Variants in MAGI2 observed in about 807,000 individuals in gnomAD.
MAGI2 encodes the protein membrane-associated guanylate kinase, WW and PDZ domain-containing protein 2.
In MAGI2, 35 loss-of-function variants were observed where a neutral mutation model predicts 133.3. That is an observed-to-expected ratio of 0.26 (90% CI 0.20 to 0.35). The LOEUF is 0.35. Ranked by LOEUF, MAGI2 falls within the 10% of genes least tolerant of loss-of-function variation. The pLI is 1.00. For missense variants in MAGI2, 1,636 were observed against 1,863.4 expected, an observed-to-expected ratio of 0.88 and a Z score of 2.25; for synonymous variants, 729 against 710.6, an observed-to-expected ratio of 1.03 and a Z score of -0.41.
intron 1 of MAGI2, among the ~76,000 whole-genome samples, chr7:79,191,852 T>A (rs1454672571): frequency 6.6e-6 from 1 of 151,846 alleles, no homozygotes; most frequent in Non-Finnish European, 1.5e-5. Context: ...TACCTTTTTT[T>A]AAAGCACTTA....
intron 2 of MAGI2, among the ~76,000 whole-genome samples, chr7:78,983,376 T>C (rs1016308123): frequency 6.6e-6 from 1 of 152,042 alleles, no homozygotes; most frequent in African/African-American, 2.4e-5. Context: ...ATGTCATATT[T>C]TTTTTAAGAG....
At chr7:79,234,266 A>G (rs1387271567) in intron 1 of MAGI2, among the ~76,000 whole-genome samples, 5 of 145,160 alleles carry the variant, frequency 3.4e-5, no homozygotes, top group East Asian at 4.1e-4. Context: ...TCTGACAATT[A>G]TGTGTCTTGG....
At chr7:78,779,541 C>T (rs1328015274) in intron 2 of MAGI2, among the ~76,000 whole-genome samples, 3 of 152,140 alleles carry the variant, frequency 2.0e-5, no homozygotes, top group African/African-American at 4.8e-5. Context: ...GAAGTTGGTA[C>T]CACAGAATAG....
intron 1 of MAGI2, among the ~76,000 whole-genome samples, chr7:79,372,627 G>A (rs1168591884): frequency 2.0e-5 from 3 of 151,972 alleles, no homozygotes; most frequent in Admixed American, 2.0e-4. Flanking sequence ...GGTGATTTTG[G>A]AATATATCAG....
chr7:78,373,905 C>T (rs1233489902), intron 6 of MAGI2, among the ~76,000 whole-genome samples: 1 of 152,132 alleles, frequency 6.6e-6, no homozygotes, highest in East Asian at 1.9e-4. Context: ...CAGCTGCATC[C>T]ATGTTGCTGC....
intron 18 of MAGI2, among the ~76,000 whole-genome samples, chr7:78,132,326 C>T (rs1171797004): frequency 7.2e-5 from 11 of 152,238 alleles, no homozygotes; most frequent in African/African-American, 1.4e-4. Flanking sequence ...CTCCTGTCTG[C>T]GCTCTGCAGG....
intron 12 of MAGI2, among the ~76,000 whole-genome samples, chr7:78,192,226 T>G (rs890114319): frequency 6.6e-6 from 1 of 151,998 alleles, no homozygotes; most frequent in Non-Finnish European, 1.5e-5. Context: ...TGCACTGATT[T>G]TTCCCCCCCC....
chr7:78,493,294 A>G lies in MAGI2; in HGVS notation c.966-3454T>C, dbSNP rs201553149. ...GACAGAAGCAGCAGGTTAATATCCT[A>G]TCTTCTGAGAAAACATTCTTCTCAC... On this transcript the variant is annotated intron_variant, in intron 5 of 21. Transcript: ENST00000354212. Among the ~76,000 whole-genome samples the G allele has an allele frequency of 3.3e-5, 5 of 152,336 alleles. No individual in the cohort carries two copies. The East Asian group carries it at 7.7e-4, about 23-fold the overall frequency.
chr7:78,555,263 T>C (rs990986129), intron 3 of MAGI2, among the ~76,000 whole-genome samples: 1 of 151,900 alleles, frequency 6.6e-6, no homozygotes, highest in African/African-American at 2.4e-5. Flanking sequence ...TAACTACTTC[T>C]TGGGACTTTG....
At chr7:79,235,488 A>G (rs1024891494) in intron 1 of MAGI2, among the ~76,000 whole-genome samples, 5 of 152,106 alleles carry the variant, frequency 3.3e-5, no homozygotes, top group African/African-American at 4.8e-5. Context: ...GCGGGATATA[A>G]TCTCGTGGTG....
chr7:78,842,912 T>C (rs1792269476), intron 2 of MAGI2, among the ~76,000 whole-genome samples: 1 of 151,928 alleles, frequency 6.6e-6, no homozygotes, highest in South Asian at 2.1e-4. Flanking sequence ...TATAGGTTTA[T>C]CTTACACATG....
intron 2 of MAGI2, among the ~76,000 whole-genome samples, chr7:78,855,964 G>A (rs1261114971): frequency 6.6e-6 from 1 of 152,150 alleles, no homozygotes; most frequent in Non-Finnish European, 1.5e-5. Flanking sequence ...GTGTGAGATG[G>A]TATCTCATTG....
chr7:78,181,414 C>CT (rs1287660844), intron 13 of MAGI2, among the ~76,000 whole-genome samples: 3 of 152,152 alleles, frequency 2.0e-5, no homozygotes, highest in Non-Finnish European at 4.4e-5. Flanking sequence ...TTTCTGTGCT[C>CT]TTTTTAAAAA....
chr7:78,082,747 C>A (rs981332479), intron 20 of MAGI2, among the ~76,000 whole-genome samples: 3 of 152,098 alleles, frequency 2.0e-5, no homozygotes, highest in Non-Finnish European at 4.4e-5. Context: ...AGACTCTGAC[C>A]GTTGCAAAGC....
At chr7:78,770,890 C>G (rs1189907911) in intron 2 of MAGI2, 1 of 152,396 alleles carries the variant, frequency 6.6e-6, no homozygotes, top group Non-Finnish European at 1.5e-5. Flanking sequence ...GCCGCACGTC[C>G]TCTCCCACCT....
intron 1 of MAGI2, among the ~76,000 whole-genome samples, chr7:79,212,207 G>A (rs888269247): frequency 6.6e-6 from 1 of 152,010 alleles, no homozygotes; most frequent in African/African-American, 2.4e-5. Context: ...TGCATTATTT[G>A]TAGTTGCTAT....
intron 2 of MAGI2, among the ~76,000 whole-genome samples, chr7:78,886,670 G>A (rs1176817998): frequency 6.6e-6 from 1 of 152,142 alleles, no homozygotes; most frequent in Non-Finnish European, 1.5e-5. Context: ...AACTTTCTGT[G>A]TGACTTTTAT....
intron 2 of MAGI2, among the ~76,000 whole-genome samples, chr7:78,860,138 G>A (rs1410097037): frequency 2.6e-5 from 4 of 152,072 alleles, no homozygotes; most frequent in African/African-American, 4.8e-5. Context: ...TTAGCCATTC[G>A]TCTAATCTTT....
chr7:78,709,850 A>G (rs1232745923), intron 2 of MAGI2, among the ~76,000 whole-genome samples: 2 of 152,104 alleles, frequency 1.3e-5, no homozygotes, highest in African/African-American at 2.4e-5. Flanking sequence ...TTGTAGGATC[A>G]CAGATTAAAT....
Sources: gnomAD v4.1 joint callset for allele counts (sites outside exome capture counted in the v4.1 genomes callset) on GRCh38, gnomAD v4.1.1 for gene constraint, MANE v1.5 for transcripts, NCBI Gene and HGNC (gene_info 2026-07-23, HGNC 2026-07-21) for gene names.